The following PTPRS variants were observed in gnomAD, a reference collection of about 807,000 sequenced individuals.
PTPRS encodes the protein receptor-type tyrosine-protein phosphatase S.
Under a neutral mutation model 215.3 loss-of-function variants are expected in PTPRS, and 63 were observed. That is an observed-to-expected ratio of 0.29 (90% CI 0.24 to 0.36). PTPRS has a LOEUF of 0.36. Among genes scored for constraint, PTPRS ranks in the 10% least tolerant of loss-of-function variants. PTPRS has a pLI of 1.00. For missense variants in PTPRS, 2,258 were observed against 2,825.8 expected (o/e 0.80, Z 4.56); for synonymous variants, 1,404 against 1,191.4 (o/e 1.18, Z -3.68).
At chr19:5,232,419 C>T (rs2043094389) in intron 13 of PTPRS, among the ~76,000 whole-genome samples, 1 of 143,582 alleles carries the variant, frequency 7.0e-6, no homozygotes, top group Non-Finnish European at 1.5e-5. Context: ...GCAACAAGGG[C>T]TTCACAAATA....
chr19:5,332,994 C>T (rs981532386), intron 1 of PTPRS, among the ~76,000 whole-genome samples: 10 of 150,262 alleles, frequency 6.7e-5, no homozygotes, highest in African/African-American at 2.5e-4. Flanking sequence ...ACCAAAAATA[C>T]AGAAATTAGC....
chr19:5,248,219 G>T (rs1043891212), intron 9 of PTPRS, among the ~76,000 whole-genome samples: 15 of 152,110 alleles, frequency 9.9e-5, no homozygotes, highest in African/African-American at 3.6e-4. Context: ...AGCGTGGGGG[G>T]AGCTAATTAT....
chr19:5,241,030 C>T (rs901576604), intron 11 of PTPRS, among the ~76,000 whole-genome samples: 3 of 150,052 alleles, frequency 2.0e-5, no homozygotes, highest in Admixed American at 6.7e-5. Flanking sequence ...GCTGGGATTA[C>T]AGGCACCCGC....
intron 11 of PTPRS, among the ~76,000 whole-genome samples, chr19:5,242,223 G>GT (rs2044100643): frequency 1.3e-5 from 2 of 152,294 alleles, no homozygotes. Flanking sequence ...GCCAACAGGG[G>GT]TGAGGAGTTA....
At position 5,231,622 on chromosome 19, in the gene PTPRS, G is replaced by C; in HGVS notation, c.1850-7C>G. The C allele has an allele frequency of 5.2e-6, 1 of 191,868 alleles. No homozygotes were observed. The highest frequency in any genetic ancestry group is 8.3e-6 in the Non-Finnish European group (1 of 120,892). 11.9% of individuals were successfully genotyped at this position (191,868 alleles called of 1,614,324 possible). On this transcript the variant is annotated splice_region_variant and splice_polypyrimidine_tract_variant and intron_variant, in intron 13 of 37. Coordinates refer to ENST00000262963, the MANE Select transcript of PTPRS (RefSeq NM_002850.4). ...TGAGGGGGGGCTGACGGTTCTATTGGAGGGGGGGAGAACGTGGGGGGGTGG... is the reference window on the plus strand; with the variant it reads ...TGAGGGGGGGCTGACGGTTCTATTGCAGGGGGGGAGAACGTGGGGGGGTGG...
chr19:5,338,009 GA>G lies in PTPRS; in HGVS notation c.-95+2654del, dbSNP rs2050560842. The stretch of plus-strand genomic sequence containing the variant: ...TCAGAGGCTCTCAAGGTTTCCTGGA[GA>G]GGGGGAAATCGTCCCCGGAGCTGAC... On this transcript the variant is annotated intron_variant, in intron 1 of 37. Transcript: ENST00000262963. This position sits in a 1 kb window ranked among gnomAD's most constrained non-coding sequence, Gnocchi z 4.2. Among the ~76,000 whole-genome samples the G allele has an allele frequency of 6.6e-6, 1 of 152,138 alleles. No individual in the cohort carries two copies. Among genetic ancestry groups the G allele is most frequent in the Admixed American group, 6.5e-5 (1 of 15,282 alleles).
At chr19:5,217,193 G>T (rs953806543) in intron 25 of PTPRS, among the ~76,000 whole-genome samples, 25 of 152,240 alleles carry the variant, frequency 1.6e-4, no homozygotes, top group African/African-American at 5.8e-4. Flanking sequence ...GCAACCATCA[G>T]TTAAATGCAC....
chr19:5,336,663 G>T (rs117291159), intron 1 of PTPRS, among the ~76,000 whole-genome samples: 210 of 152,108 alleles, frequency 1.4e-3, no homozygotes, highest in African/African-American at 4.4e-3. Context: ...TGAATTTTTG[G>T]TTTTTTTGTT....
intron 1 of PTPRS, among the ~76,000 whole-genome samples, chr19:5,312,820 A>G (rs2049749564): frequency 6.6e-6 from 1 of 152,238 alleles, no homozygotes; most frequent in African/African-American, 2.4e-5. Flanking sequence ...GCAACTGAGC[A>G]TCGGAGAGGT....
At position 5,240,190 on chromosome 19, in the gene PTPRS, C is replaced by T; in HGVS notation, c.1704+9G>A. 6.5e-7 allele frequency: 1 copy of T among 1,533,612 alleles called. No homozygotes were observed. Among genetic ancestry groups the T allele is most frequent in the South Asian group, 1.2e-5 (1 of 81,528 alleles). On this transcript the variant is annotated intron_variant, in intron 12 of 37. Coordinates refer to ENST00000262963, the MANE Select transcript of PTPRS (RefSeq NM_002850.4). Reference sequence around the variant, plus strand: ...CAGGGCAGGCCAGCCCGTCCCCGCGCTGCCTCACCTCCCGGCCATGGTCGC... The same window carrying T: ...CAGGGCAGGCCAGCCCGTCCCCGCGTTGCCTCACCTCCCGGCCATGGTCGC...
chr19:5,240,354 A>C, intron 11 of PTPRS, 22 bp from the exon 12 acceptor site: 8 of 1,570,186 alleles, frequency 5.1e-6, no homozygotes, highest in East Asian at 4.8e-5. Context: ...CAGGGAGACA[A>C]CTAGGAGTCG....
chr19:5,212,272 G>A lies in PTPRS; in HGVS notation c.4770-22C>T, dbSNP rs200069663. On this transcript the variant is annotated intron_variant, in intron 31 of 37. Transcript: ENST00000262963. ...GGCACTGCAGGGACAGCCACGTGGCGTTCAGGGGCTGCTGGGCTGCGGGGA... is the reference window on the plus strand; with the variant it reads ...GGCACTGCAGGGACAGCCACGTGGCATTCAGGGGCTGCTGGGCTGCGGGGA... The A allele has an allele frequency of 1.9e-4, 303 of 1,608,768 alleles. 3 individuals carry two copies. The highest frequency in any genetic ancestry group is 1.1e-3 in the East Asian group (50 of 44,720).
intron 16 of PTPRS, 73 bp downstream of exon 16, chr19:5,229,243 T>C (rs945885629): frequency 7.6e-7 from 1 of 1,323,072 alleles, no homozygotes; most frequent in South Asian, 2.6e-5. Flanking sequence ...ATAAGGGGCG[T>C]GCAGGAGTCA....
intron 1 of PTPRS, among the ~76,000 whole-genome samples, chr19:5,319,635 C>A (rs2049972351): frequency 6.6e-6 from 1 of 151,884 alleles, no homozygotes; most frequent in African/African-American, 2.4e-5. Context: ...GACCTATTGC[C>A]TCCTCTCCCC....
At chr19:5,247,796 AC>A (rs1344301383) in intron 9 of PTPRS, among the ~76,000 whole-genome samples, 2 of 151,634 alleles carry the variant, frequency 1.3e-5, no homozygotes, top group Non-Finnish European at 2.9e-5. Flanking sequence ...GGAAATCCCA[AC>A]CCCTGCCTTC....
intron 5 of PTPRS, among the ~76,000 whole-genome samples, chr19:5,263,920 G>A (rs945873868): frequency 2.6e-5 from 4 of 152,208 alleles, no homozygotes; most frequent in Admixed American, 1.3e-4. Flanking sequence ...AGGCCAGGCC[G>A]GCACAGGGAG....
At chr19:5,340,154 G>A (rs1203918324) in intron 1 of PTPRS, among the ~76,000 whole-genome samples, 1 of 151,488 alleles carries the variant, frequency 6.6e-6, no homozygotes, top group Admixed American at 6.6e-5. Context: ...ACCCGTCCCG[G>A]CTCCTCTCCG....
Position 5,315,350 on chromosome 19 carries a change from G to GCTTTTTTTTTTTT in PTPRS, c.-95+25313_-95+25314insAAAAAAAAAAAAG, listed in dbSNP as rs2049835558. Among the ~76,000 whole-genome samples the GCTTTTTTTTTTTT allele has an allele frequency of 1.7e-3, 173 of 101,312 alleles. 60 individuals are homozygous for GCTTTTTTTTTTTT. The highest frequency in any genetic ancestry group is 2.3e-3 in the Non-Finnish European group (119 of 52,780). The allele number at this position is 101,312 out of a possible 152,430, so 66.5% of individuals were successfully genotyped here. Reference sequence around the variant, plus strand: ...TCATGGAGAATTTTTATTTGAAAAGGGTTTTTTTTTTTTTTTTTTTTTTTT... The same window carrying GCTTTTTTTTTTTT: ...TCATGGAGAATTTTTATTTGAAAAGGCTTTTTTTTTTTTGTTTTTTTTTTTTTTTTTTTTTTTT... On this transcript the variant is annotated intron_variant, in intron 1 of 37. Transcript: ENST00000262963.
At chr19:5,256,240 G>GT (rs59925916) in intron 8 of PTPRS, 121 bp from the exon 9 acceptor site, 197,999 of 537,586 alleles carry the variant, frequency 0.37, 27,066 homozygotes, top group East Asian at 0.65. Context: ...ATAGTTTGTT[G>GT]TTTTTTTTTT....
Sources: gnomAD v4.1 joint callset for allele counts (sites outside exome capture counted in the v4.1 genomes callset) on GRCh38, gnomAD v4.1.1 for gene constraint, Gnocchi (gnomAD v3.1) non-coding constraint, MANE v1.5 for transcripts, NCBI Gene and HGNC (gene_info 2026-07-23, HGNC 2026-07-21) for gene names.